Variants in DOCK4 observed in about 807,000 individuals in gnomAD.
The protein encoded by DOCK4 is dedicator of cytokinesis 4.
Under a neutral mutation model 268.1 loss-of-function variants are expected in DOCK4, and 97 were observed. The observed-to-expected ratio is 0.36, with a 90% CI of 0.31 to 0.43. DOCK4 has a LOEUF of 0.43. Among genes scored for constraint, DOCK4 ranks in the 20% least tolerant of loss-of-function variants. The probability of loss-of-function intolerance (pLI) is 1.00; values close to 1 mark genes in which losing one functional copy is unlikely to be tolerated. For missense variants in DOCK4, 2,145 were observed against 2,455.7 expected (o/e 0.87, Z 2.67); for synonymous variants, 954 against 887.2 (o/e 1.08, Z -1.34).
intron 23 of DOCK4, among the ~76,000 whole-genome samples, chr7:111,850,426 C>A (rs1804453390): frequency 6.6e-6 from 1 of 152,066 alleles, no homozygotes; most frequent in African/African-American, 2.4e-5. Flanking sequence ...TCCCTTATTG[C>A]AAAATCCTTT....
chr7:112,182,349 T>G (rs1819127955), intron 1 of DOCK4, among the ~76,000 whole-genome samples: 1 of 152,222 alleles, frequency 6.6e-6, no homozygotes, highest in Non-Finnish European at 1.5e-5. Flanking sequence ...GAATGATCTC[T>G]CCATGATGTA....
intron 40 of DOCK4, 48 bp from the exon 41 acceptor site, chr7:111,758,838 G>T: frequency 6.3e-7 from 1 of 1,590,676 alleles, no homozygotes. Context: ...AAACTCCATG[G>T]AAGTCTGGCT....
intron 1 of DOCK4, among the ~76,000 whole-genome samples, chr7:112,137,862 G>A (rs1208389452): frequency 1.3e-5 from 2 of 152,116 alleles, no homozygotes; most frequent in East Asian, 3.9e-4. Flanking sequence ...GTAAAACAGG[G>A]CTAACAATAA....
At chr7:111,884,029 C>A (rs1307219323) in intron 16 of DOCK4, among the ~76,000 whole-genome samples, 2 of 152,026 alleles carry the variant, frequency 1.3e-5, no homozygotes, top group Non-Finnish European at 2.9e-5. Context: ...TCTCTATGAA[C>A]CCTTTTATAT....
intron 52 of DOCK4, among the ~76,000 whole-genome samples, chr7:111,731,424 A>AAGTC (rs971978797): frequency 6.6e-6 from 1 of 152,202 alleles, no homozygotes; most frequent in African/African-American, 2.4e-5. Flanking sequence ...TGTAAATCCT[A>AAGTC]AGTCACTCAG....
chr7:111,851,878 G>T (rs1371409248), intron 23 of DOCK4, among the ~76,000 whole-genome samples: 1 of 150,120 alleles, frequency 6.7e-6, no homozygotes, highest in Non-Finnish European at 1.5e-5. Context: ...AAGTGATTCT[G>T]TATGCTACTA....
intron 1 of DOCK4, among the ~76,000 whole-genome samples, chr7:112,142,021 T>A (rs368167457): frequency 1.3e-5 from 2 of 152,204 alleles, no homozygotes; most frequent in Non-Finnish European, 2.9e-5. Context: ...CCTAGTAATT[T>A]AACTCTATGA....
intron 1 of DOCK4, among the ~76,000 whole-genome samples, chr7:112,035,741 AT>A (rs1180236157): frequency 6.6e-6 from 1 of 152,190 alleles, no homozygotes; most frequent in African/African-American, 2.4e-5. Context: ...AGAAGTGTTC[AT>A]ATTAAAAAAC....
rs560584133 is a variant in DOCK4, at chr7:112,167,889, C to T, written c.37+38213G>A. ...CCTATGCTAGCAAACTTCCCACCAG[C>T]TCCCTCTTTTTCTTCATACCTCTAA... On this transcript the variant is annotated intron_variant, in intron 1 of 52. Coordinates refer to ENST00000428084, the MANE Select transcript of DOCK4 (RefSeq NM_001363540.2). 1.2e-4 allele frequency among the ~76,000 whole-genome samples: 19 copies of T among 152,238 alleles called. No homozygotes were observed. In the South Asian group the frequency reaches 3.9e-3, roughly 32 times the overall value.
intron 1 of DOCK4, among the ~76,000 whole-genome samples, chr7:112,034,450 T>C (rs775701432): frequency 6.6e-6 from 1 of 152,092 alleles, no homozygotes; most frequent in Non-Finnish European, 1.5e-5. Context: ...ACTGGAGAAG[T>C]TGAATTGGAA....
intron 16 of DOCK4, among the ~76,000 whole-genome samples, chr7:111,883,869 AAT>A (rs573103452): frequency 8.5e-5 from 13 of 152,294 alleles, no homozygotes; most frequent in Middle Eastern, 3.4e-3. Context: ...TCAAGTATAA[AAT>A]ATAATAAATA....
intron 1 of DOCK4, among the ~76,000 whole-genome samples, chr7:112,165,936 T>G (rs1817578300): frequency 6.6e-6 from 1 of 152,068 alleles, no homozygotes; most frequent in African/African-American, 2.4e-5. Context: ...AACTGCCACT[T>G]TCTGTATCTC....
chr7:112,108,133 G>T (rs192063916), intron 1 of DOCK4, among the ~76,000 whole-genome samples: 2 of 152,238 alleles, frequency 1.3e-5, no homozygotes, highest in Non-Finnish European at 1.5e-5. Flanking sequence ...CCTAAGATTA[G>T]TATAATACAA....
intron 8 of DOCK4, chr7:111,971,412 G>A (rs544908391): frequency 5.4e-5 from 12 of 221,012 alleles, no homozygotes; most frequent in African/African-American, 2.3e-4. Flanking sequence ...GTGTGAAAGC[G>A]ACAGTGGTGC....
At chr7:111,907,454 C>A (rs1412535627) in intron 13 of DOCK4, among the ~76,000 whole-genome samples, 2 of 152,074 alleles carry the variant, frequency 1.3e-5, no homozygotes, top group African/African-American at 4.8e-5. Context: ...TGGGGGAACT[C>A]CTATACTCTT....
At chr7:112,090,278 T>C (rs1809499901) in intron 1 of DOCK4, among the ~76,000 whole-genome samples, 1 of 152,154 alleles carries the variant, frequency 6.6e-6, no homozygotes, top group Non-Finnish European at 1.5e-5. Context: ...GTCAGCTAAA[T>C]TGATTCTAAT....
chr7:111,982,480 T>C (rs948823718), intron 7 of DOCK4, among the ~76,000 whole-genome samples: 6 of 152,210 alleles, frequency 3.9e-5, no homozygotes, highest in African/African-American at 1.4e-4. Context: ...TGCTTACATG[T>C]TGTGCAAATA....
chr7:111,804,010 G>A (rs1251224503), intron 30 of DOCK4, among the ~76,000 whole-genome samples: 1 of 152,190 alleles, frequency 6.6e-6, no homozygotes, highest in Non-Finnish European at 1.5e-5. Flanking sequence ...AATGTAAAAT[G>A]TTACAGCAGC....
At chr7:112,009,416 G>A (rs1246337542) in intron 1 of DOCK4, among the ~76,000 whole-genome samples, 3 of 152,114 alleles carry the variant, frequency 2.0e-5, no homozygotes, top group Non-Finnish European at 4.4e-5. Context: ...ATGGCAAAAG[G>A]AAACTGTTGT....
Sources: allele counts gnomAD v4.1 joint callset (sites outside exome capture counted in the v4.1 genomes callset), GRCh38; gene constraint gnomAD v4.1.1; transcripts MANE v1.5; gene names NCBI Gene and HGNC (gene_info 2026-07-23, HGNC 2026-07-21).